The following IQGAP2 variants were observed in gnomAD, a reference collection of about 807,000 sequenced individuals.
The protein encoded by IQGAP2 is IQ motif containing GTPase activating protein 2, also known as ras GTPase-activating-like protein IQGAP2.
A neutral mutation model predicts 201.3 loss-of-function variants in IQGAP2; 173 were observed. That is an observed-to-expected ratio of 0.86 (90% confidence interval 0.76 to 0.98). IQGAP2 has a LOEUF of 0.98. Among genes scored for constraint, IQGAP2 ranks in the 50% least tolerant of loss-of-function variants. The pLI is 0.00. For synonymous variants in IQGAP2, 675 were observed against 673.9 expected, an observed-to-expected ratio of 1.00 and a Z score of -0.03; for missense variants, 1,687 against 1,864.8, an observed-to-expected ratio of 0.90 and a Z score of 1.76.
chr5:76,439,443 G>A (rs889456839), intron 1 of IQGAP2, among the ~76,000 whole-genome samples: 3 of 152,158 alleles, frequency 2.0e-5, no homozygotes, highest in Non-Finnish European at 4.4e-5. Context: ...GTGGAGTACT[G>A]AAGTCCCGTA....
intron 1 of IQGAP2, among the ~76,000 whole-genome samples, chr5:76,454,670 AT>A (rs1173112235): frequency 6.9e-6 from 1 of 144,044 alleles, no homozygotes; most frequent in Non-Finnish European, 1.5e-5. Flanking sequence ...TATGTGCCAC[AT>A]TTTCTTAATC....
intron 31 of IQGAP2, among the ~76,000 whole-genome samples, chr5:76,694,610 A>C (rs931562185): frequency 6.6e-6 from 1 of 152,210 alleles, no homozygotes; most frequent in Admixed American, 6.5e-5. Flanking sequence ...AAGTGGGTAC[A>C]TCTGTATCTG....
intron 5 of IQGAP2, among the ~76,000 whole-genome samples, chr5:76,587,982 T>A (rs1400411955): frequency 6.6e-6 from 1 of 151,876 alleles, no homozygotes; most frequent in Non-Finnish European, 1.5e-5. Flanking sequence ...AAAATTATTG[T>A]CAGTTTTAAT....
chr5:76,596,001 A>G (rs1747010163), intron 9 of IQGAP2, among the ~76,000 whole-genome samples: 1 of 152,200 alleles, frequency 6.6e-6, no homozygotes, highest in South Asian at 2.1e-4. Context: ...GGTTTGTCAC[A>G]TTAATTTTAA....
intron 2 of IQGAP2, among the ~76,000 whole-genome samples, chr5:76,486,629 A>G (rs114699321): frequency 0.011 from 1,476 of 133,762 alleles, 19 homozygotes; most frequent in Non-Finnish European, 0.016. Flanking sequence ...TATTTTGCCA[A>G]TTCAGTGATT....
intron 2 of IQGAP2, among the ~76,000 whole-genome samples, chr5:76,557,869 C>A (rs887163164): frequency 6.6e-6 from 1 of 151,982 alleles, no homozygotes; most frequent in African/African-American, 2.4e-5. Context: ...TGGAGTGGTG[C>A]GATCTTGGCT....
chr5:76,652,219 G>A (rs1752573742), intron 17 of IQGAP2, among the ~76,000 whole-genome samples: 1 of 152,176 alleles, frequency 6.6e-6, no homozygotes. Flanking sequence ...CTTTATGTGG[G>A]GATATATGAA....
At chr5:76,472,318 C>T (rs1427011406) in intron 2 of IQGAP2, among the ~76,000 whole-genome samples, 2 of 152,196 alleles carry the variant, frequency 1.3e-5, no homozygotes, top group African/African-American at 4.8e-5. Flanking sequence ...CAGGAATAGA[C>T]GTGATCCCAG....
At chr5:76,562,852 T>C (rs1299516064) in intron 3 of IQGAP2, among the ~76,000 whole-genome samples, 1 of 152,198 alleles carries the variant, frequency 6.6e-6, no homozygotes, top group Non-Finnish European at 1.5e-5. Flanking sequence ...AGTGGGGGCA[T>C]GCTACCACTC....
intron 8 of IQGAP2, 93 bp from the exon 9 acceptor site, chr5:76,592,745 G>T: frequency 1.2e-6 from 1 of 843,378 alleles, no homozygotes; most frequent in Non-Finnish European, 2.0e-6. Flanking sequence ...TTAGGGAATG[G>T]TTTTTGTCAC....
chr5:76,595,504 A>G (rs144720790), intron 9 of IQGAP2, among the ~76,000 whole-genome samples: 242 of 152,098 alleles, frequency 1.6e-3, no homozygotes, highest in African/African-American at 5.6e-3. Flanking sequence ...TCATGCCTGT[A>G]ATCTAGCACT....
intron 25 of IQGAP2, 39 bp downstream of exon 25, chr5:76,673,628 G>C: frequency 6.2e-7 from 1 of 1,604,616 alleles, no homozygotes. Context: ...TTCTTTCCTG[G>C]AACGTTCTTG....
At chr5:76,494,526 C>T (rs1248480180) in intron 2 of IQGAP2, among the ~76,000 whole-genome samples, 1 of 152,166 alleles carries the variant, frequency 6.6e-6, no homozygotes, top group East Asian at 1.9e-4. Context: ...ATGCCCTCAG[C>T]ATTCTGTTGC....
chr5:76,615,098 C>A (rs936768125), intron 13 of IQGAP2, among the ~76,000 whole-genome samples: 1 of 152,174 alleles, frequency 6.6e-6, no homozygotes, highest in Non-Finnish European at 1.5e-5. Flanking sequence ...GACTTTAACA[C>A]TTTTTCTATG....
intron 2 of IQGAP2, among the ~76,000 whole-genome samples, chr5:76,496,748 T>TCTTTCTTTCTTTCCTTC (rs1561416347): frequency 1.6e-5 from 1 of 61,336 alleles, no homozygotes. Context: ...TTTCTTTCTT[T>TCTTTCTTTCTTTCCTTC]CTTTCTTTCT....
intron 21 of IQGAP2, among the ~76,000 whole-genome samples, chr5:76,661,433 T>TATTAATTTA (rs1298536604): frequency 6.6e-6 from 1 of 152,098 alleles, no homozygotes; most frequent in East Asian, 1.9e-4. Flanking sequence ...ATTAAGAGAC[T>TATTAATTTA]GAAGCTAATC....
chr5:76,403,816 C>T lies in IQGAP2; in HGVS notation c.46+225C>T, dbSNP rs1264898259. Among the ~76,000 whole-genome samples, 1 of 152,134 alleles carries T rather than the reference C, an allele frequency of 6.6e-6. No individual in the cohort carries two copies. The highest frequency in any genetic ancestry group is 1.5e-5 in the Non-Finnish European group (1 of 67,996). ...TAATATCCAGCTGGCAACCCAGACC[C>T]TCCACTCCGCATACCCAAACGGGGT... On this transcript the variant is annotated intron_variant, in intron 1 of 35. Transcript: ENST00000274364. This position sits in a 1 kb window ranked among gnomAD's most constrained non-coding sequence, Gnocchi z 4.8.
intron 2 of IQGAP2, among the ~76,000 whole-genome samples, chr5:76,462,077 T>C (rs919457740): frequency 6.6e-6 from 1 of 152,240 alleles, no homozygotes; most frequent in Non-Finnish European, 1.5e-5. Flanking sequence ...GTTGAGGCAC[T>C]AGGAGGAAGG....
At chr5:76,527,747 G>T (rs1759053750) in intron 2 of IQGAP2, among the ~76,000 whole-genome samples, 1 of 152,136 alleles carries the variant, frequency 6.6e-6, no homozygotes. Context: ...AGCATTCTTG[G>T]CAAGCAAAGG....
Sources: allele counts gnomAD v4.1 joint callset (sites outside exome capture counted in the v4.1 genomes callset), GRCh38; gene constraint gnomAD v4.1.1; non-coding constraint Gnocchi (gnomAD v3.1); transcripts MANE v1.5; gene names NCBI Gene and HGNC (gene_info 2026-07-23, HGNC 2026-07-21).